Variants in CDH4 observed in about 807,000 individuals in gnomAD.
The protein encoded by CDH4 is cadherin 4.
Under a neutral mutation model 86.0 loss-of-function variants are expected in CDH4, and 33 were observed. The ratio of observed to expected loss-of-function variants is 0.38; its 90% CI spans 0.29 to 0.51. The LOEUF (loss-of-function observed/expected upper bound fraction) is 0.51, where lower values mean the gene tolerates loss of function less well. Among genes scored for constraint, CDH4 ranks in the 20% least tolerant of loss-of-function variants. CDH4 has a pLI of 0.86. For synonymous variants in CDH4, 555 were observed against 549.4 expected (o/e 1.01, Z -0.14); for missense variants, 1,114 against 1,307.4 (o/e 0.85, Z 2.28).
At chr20:61,907,683 C>G (rs1478405396) in intron 8 of CDH4, among the ~76,000 whole-genome samples, 3 of 152,198 alleles carry the variant, frequency 2.0e-5, no homozygotes, top group Non-Finnish European at 2.9e-5. Flanking sequence ...GCTCCCTCCT[C>G]TAGGGCCAGG....
chr20:61,826,971 G>A (rs879782215), intron 4 of CDH4, among the ~76,000 whole-genome samples: 6,944 of 50,302 alleles, frequency 0.14, 208 homozygotes, highest in Admixed American at 0.19. Flanking sequence ...AAGTGTGTGT[G>A]TGTGTGTGTG....
At chr20:61,851,066 G>A (rs1029049681) in intron 5 of CDH4, among the ~76,000 whole-genome samples, 7 of 152,370 alleles carry the variant, frequency 4.6e-5, no homozygotes, top group Non-Finnish European at 7.3e-5. Flanking sequence ...ATAGCAGGAC[G>A]GAGCTGCAGA....
intron 2 of CDH4, among the ~76,000 whole-genome samples, chr20:61,731,409 C>T (rs940252656): frequency 2.0e-5 from 3 of 152,158 alleles, no homozygotes; most frequent in Non-Finnish European, 4.4e-5. Context: ...CCCTGCCACC[C>T]CACAGGGGTA....
Position 61,356,338 on chromosome 20 carries a change from C to T in CDH4, c.169+101401C>T, listed in dbSNP as rs148123830. ...TCCTGCCAAGCAGCAGGCCATTCCC[C>T]GGCGGAGAACTGCTGTTTCCCAGAG... On this transcript the variant is annotated intron_variant, in intron 2 of 15. Coordinates refer to ENST00000614565, the MANE Select transcript of CDH4 (RefSeq NM_001794.5). 6.9e-3 allele frequency among the ~76,000 whole-genome samples: 1,044 copies of T among 152,264 alleles called. 6 individuals carry two copies. The highest frequency in any genetic ancestry group is 0.017 in the Middle Eastern group (5 of 292).
At chr20:61,599,802 T>G (rs575022784) in intron 2 of CDH4, 1 of 985,832 alleles carries the variant, frequency 1.0e-6, no homozygotes, top group Non-Finnish European at 1.2e-6. Flanking sequence ...TCTGCCTTAA[T>G]GATGCTGCCC....
At chr20:61,866,125 G>A (rs1983537481) in intron 6 of CDH4, among the ~76,000 whole-genome samples, 1 of 152,140 alleles carries the variant, frequency 6.6e-6, no homozygotes, top group African/African-American at 2.4e-5. Context: ...CCCCTGGCAT[G>A]GGGGATTTTG....
At chr20:61,312,766 C>G (rs530523970) in intron 2 of CDH4, among the ~76,000 whole-genome samples, 2 of 152,290 alleles carry the variant, frequency 1.3e-5, no homozygotes, top group East Asian at 1.9e-4. Flanking sequence ...ATGATGACCC[C>G]TTCCAGAACA....
rs185568748 is a variant in CDH4 at position 61,796,217 on chromosome 20, T to C, written c.576+23035T>C. Reference sequence around the variant, plus strand: ...TTTTACTCCTATCGTTTTACTGAGGTTCAGAGAGGCTGAGTGACTCCCCTG... The same window carrying C: ...TTTTACTCCTATCGTTTTACTGAGGCTCAGAGAGGCTGAGTGACTCCCCTG... On this transcript the variant is annotated intron_variant, in intron 4 of 15. Coordinates refer to ENST00000614565, the MANE Select transcript of CDH4 (RefSeq NM_001794.5). 2.9e-3 allele frequency among the ~76,000 whole-genome samples: 436 copies of C among 152,186 alleles called. 6 individuals are homozygous for C. The highest frequency in any genetic ancestry group is 1.4e-3 in the Non-Finnish European group (97 of 68,002).
intron 2 of CDH4, among the ~76,000 whole-genome samples, chr20:61,742,390 A>G (rs2088352744): frequency 6.6e-6 from 1 of 152,364 alleles, no homozygotes; most frequent in Non-Finnish European, 1.5e-5. Context: ...AAAGTGAACT[A>G]TTGAGAAGAG....
intron 2 of CDH4, among the ~76,000 whole-genome samples, chr20:61,519,667 C>A (rs2145625092): frequency 6.6e-6 from 1 of 152,372 alleles, no homozygotes; most frequent in South Asian, 2.1e-4. Context: ...AGGGCGATTA[C>A]CCTGTGCTGC....
chr20:61,611,348 A>G (rs1315658545), intron 2 of CDH4, among the ~76,000 whole-genome samples: 1 of 152,048 alleles, frequency 6.6e-6, no homozygotes, highest in Non-Finnish European at 1.5e-5. Context: ...AAGCATAGAG[A>G]CGCTCCTAAC....
chr20:61,851,102 C>A (rs575402239), intron 5 of CDH4, among the ~76,000 whole-genome samples: 3 of 152,186 alleles, frequency 2.0e-5, no homozygotes, highest in Non-Finnish European at 2.9e-5. Context: ...GGAGTCTGCC[C>A]GCGACGGGGC....
rs2055202897 is a variant in CDH4 at position 61,937,211 on chromosome 20, C to A, written c.*268C>A. 2.7e-5 allele frequency: 3 copies of A among 109,840 alleles called. No individual in the cohort carries two copies. Among genetic ancestry groups the A allele is most frequent in the Non-Finnish European group, 5.0e-5 (3 of 60,558 alleles). 6.8% of individuals were successfully genotyped at this position (109,840 alleles called of 1,614,324 possible). On this transcript the variant is annotated 3_prime_UTR_variant, in exon 16 of 16. Transcript: ENST00000614565. ...ACTTGAATTTCCTAGAACAGAAGCA[C>A]TGTTTTTAAAAAAAAAAAAAAAAAA...
chr20:61,529,872 A>G (rs564176839), intron 2 of CDH4, among the ~76,000 whole-genome samples: 4 of 152,054 alleles, frequency 2.6e-5, no homozygotes, highest in Admixed American at 2.0e-4. Context: ...GAGTCTCGCT[A>G]TGTCACCCAG....
At chr20:61,824,315 G>C (rs1981206120) in intron 4 of CDH4, among the ~76,000 whole-genome samples, 1 of 150,990 alleles carries the variant, frequency 6.6e-6, no homozygotes. Flanking sequence ...GGTATGGCTT[G>C]AGATGAGTGT....
At chr20:61,592,513 A>G (rs1314160138) in intron 2 of CDH4, among the ~76,000 whole-genome samples, 1 of 152,114 alleles carries the variant, frequency 6.6e-6, no homozygotes, top group African/African-American at 2.4e-5. Flanking sequence ...TATGATGATT[A>G]GTACATTCAG....
intron 7 of CDH4, among the ~76,000 whole-genome samples, chr20:61,891,911 C>T (rs890282835): frequency 3.3e-5 from 5 of 152,218 alleles, no homozygotes; most frequent in African/African-American, 9.6e-5. Flanking sequence ...GCTCTCAGGC[C>T]TGTCCAGGTG....
intron 2 of CDH4, among the ~76,000 whole-genome samples, chr20:61,723,284 TGAG>T (rs1387396742): frequency 6.6e-6 from 1 of 152,158 alleles, no homozygotes; most frequent in East Asian, 1.9e-4. Flanking sequence ...CCTCACTGGG[TGAG>T]GAGCCCCTGC....
rs6061940 is a variant in CDH4, at chr20:61,430,407, A to G, written c.169+175470A>G. 1.4e-3 allele frequency among the ~76,000 whole-genome samples: 219 copies of G among 152,264 alleles called. 1 individual carries two copies. The highest frequency in any genetic ancestry group is 5.0e-3 in the African/African-American group (208 of 41,566). On this transcript the variant is annotated intron_variant, in intron 2 of 15. Transcript: ENST00000614565. The stretch of plus-strand genomic sequence containing the variant: ...GCGGCCTTCTGCCTCCAGGCCATTT[A>G]TAGTGCAGAAGCTTGTGAAGCCAAA...
Sources: gnomAD v4.1 joint callset for allele counts (sites outside exome capture counted in the v4.1 genomes callset) on GRCh38, gnomAD v4.1.1 for gene constraint, MANE v1.5 for transcripts, NCBI Gene and HGNC (gene_info 2026-07-23, HGNC 2026-07-21) for gene names.